The following ZMAT4 variants were observed in gnomAD, a reference collection of about 807,000 sequenced individuals.
ZMAT4 encodes zinc finger matrin-type 4.
ZMAT4 carries 17 observed loss-of-function variants against 28.7 expected under a neutral mutation model. The observed-to-expected ratio is 0.59, with a 90% confidence interval of 0.41 to 0.89. The LOEUF is 0.89. Ranked by LOEUF, ZMAT4 falls within the 40% of genes least tolerant of loss-of-function variation. The probability of loss-of-function intolerance (pLI) is 0.00; values close to 1 mark genes in which losing one functional copy is unlikely to be tolerated. For synonymous variants in ZMAT4, 117 were observed against 109.2 expected, an observed-to-expected ratio of 1.07 and a Z score of -0.44; for missense variants, 240 against 283.8, an observed-to-expected ratio of 0.85 and a Z score of 1.11.
intron 5 of ZMAT4, among the ~76,000 whole-genome samples, chr8:40,636,014 G>A (rs1806778741): frequency 6.6e-6 from 1 of 152,210 alleles, no homozygotes; most frequent in Non-Finnish European, 1.5e-5. Context: ...AGAGACGTTT[G>A]AGTAAGTTTC....
At chr8:40,818,046 C>T (rs1366605061) in intron 2 of ZMAT4, among the ~76,000 whole-genome samples, 1 of 152,150 alleles carries the variant, frequency 6.6e-6, no homozygotes, top group African/African-American at 2.4e-5. Flanking sequence ...CAGAGCATAC[C>T]CTACCCGTGT....
intron 2 of ZMAT4, among the ~76,000 whole-genome samples, chr8:40,797,188 C>T (rs950202541): frequency 4.6e-5 from 7 of 152,164 alleles, no homozygotes; most frequent in Non-Finnish European, 7.3e-5. Context: ...TCTGTGAATC[C>T]GGGCCTGTCC....
intron 5 of ZMAT4, among the ~76,000 whole-genome samples, chr8:40,598,712 T>G (rs1178204247): frequency 6.6e-6 from 1 of 152,164 alleles, no homozygotes; most frequent in Non-Finnish European, 1.5e-5. Context: ...TATAATGAAT[T>G]TATTTTGGAA....
At chr8:40,852,536 G>T (rs75631857) in intron 1 of ZMAT4, among the ~76,000 whole-genome samples, 3,100 of 152,282 alleles carry the variant, frequency 0.02, 108 homozygotes, top group African/African-American at 0.071. Context: ...GTTGGAAAAG[G>T]GAAGCTTTAA....
intron 3 of ZMAT4, among the ~76,000 whole-genome samples, chr8:40,709,216 A>G (rs1810497653): frequency 6.6e-6 from 1 of 152,080 alleles, no homozygotes; most frequent in East Asian, 1.9e-4. Flanking sequence ...TGTATCTTTT[A>G]TTTGTATTAT....
At chr8:40,883,711 C>T (rs914399714) in intron 1 of ZMAT4, among the ~76,000 whole-genome samples, 1 of 152,180 alleles carries the variant, frequency 6.6e-6, no homozygotes, top group Non-Finnish European at 1.5e-5. Context: ...GCCCTGATCT[C>T]CCCTAACTCC....
chr8:40,652,929 G>A lies in ZMAT4; in HGVS notation c.577+21775C>T, dbSNP rs563811906. On this transcript the variant is annotated intron_variant, in intron 5 of 6. Coordinates refer to ENST00000297737, the MANE Select transcript of ZMAT4 (RefSeq NM_024645.3). ...AGGGGAATATCACACTCTGGGGACC[G>A]TTGTGGGGTGGGGGGAGGGGTGAGG... is the stretch of plus-strand genomic sequence containing the variant. Among the ~76,000 whole-genome samples the A allele has an allele frequency of 3.3e-4, 44 of 131,972 alleles. No homozygotes were observed. The East Asian group carries it at 8.6e-3, about 26-fold the overall frequency. 86.6% of individuals were successfully genotyped at this position (131,972 alleles called of 152,430 possible). A position where few individuals can be genotyped will look rare whatever the true frequency, so the allele number is the denominator to read the frequency against.
intron 6 of ZMAT4, among the ~76,000 whole-genome samples, chr8:40,542,281 T>C (rs572515769): frequency 1.1e-4 from 17 of 152,302 alleles, no homozygotes; most frequent in East Asian, 9.6e-4. Flanking sequence ...GCTGTACTCA[T>C]GTGTGGGCCA....
At chr8:40,541,858 C>G (rs987662730) in intron 6 of ZMAT4, among the ~76,000 whole-genome samples, 6 of 152,218 alleles carry the variant, frequency 3.9e-5, no homozygotes, top group African/African-American at 1.4e-4. Flanking sequence ...TCCCCTTTAG[C>G]TCATGAGCAC....
At chr8:40,767,575 C>T in intron 3 of ZMAT4, 66 bp downstream of exon 3, 3 of 1,379,288 alleles carry the variant, frequency 2.2e-6, no homozygotes, top group Non-Finnish European at 3.0e-6. Context: ...ACAATTCCTA[C>T]ACCTGCAAAG....
chr8:40,796,999 C>T (rs1226196657), intron 2 of ZMAT4, among the ~76,000 whole-genome samples: 1 of 152,188 alleles, frequency 6.6e-6, no homozygotes, highest in Admixed American at 6.5e-5. Context: ...GGCAGGGAAT[C>T]GCCCCTGGTT....
chr8:40,631,836 C>T (rs1806594277), intron 5 of ZMAT4, among the ~76,000 whole-genome samples: 1 of 152,162 alleles, frequency 6.6e-6, no homozygotes, highest in East Asian at 1.9e-4. Context: ...TGTCTGAACA[C>T]AAGACTAAGC....
At chr8:40,788,541 C>T (rs750473555) in intron 2 of ZMAT4, among the ~76,000 whole-genome samples, 2 of 152,098 alleles carry the variant, frequency 1.3e-5, no homozygotes, top group Non-Finnish European at 1.5e-5. Context: ...GCTGAGATTG[C>T]ACCACTGCAC....
intron 5 of ZMAT4, among the ~76,000 whole-genome samples, chr8:40,592,328 C>T (rs1804922257): frequency 6.6e-6 from 1 of 152,180 alleles, no homozygotes; most frequent in East Asian, 1.9e-4. Context: ...TCACCAATAT[C>T]AGGGTTTGAC....
intron 2 of ZMAT4, among the ~76,000 whole-genome samples, chr8:40,798,372 T>A (rs1031895825): frequency 6.6e-6 from 1 of 152,224 alleles, no homozygotes; most frequent in Non-Finnish European, 1.5e-5. Context: ...AAGGTCCCAA[T>A]GCCAGGCTCT....
At chr8:40,609,589 A>C (rs2118649916) in intron 5 of ZMAT4, among the ~76,000 whole-genome samples, 1 of 152,344 alleles carries the variant, frequency 6.6e-6, no homozygotes, top group Non-Finnish European at 1.5e-5. Flanking sequence ...ATATTGGCCA[A>C]GCTGTCTTAC....
intron 5 of ZMAT4, among the ~76,000 whole-genome samples, chr8:40,590,686 T>G (rs1804862451): frequency 6.6e-6 from 1 of 150,610 alleles, no homozygotes. Flanking sequence ...ATTACTTCTA[T>G]CAATACTTTT....
intron 5 of ZMAT4, among the ~76,000 whole-genome samples, chr8:40,615,121 G>T (rs1179758698): frequency 2.6e-5 from 4 of 152,042 alleles, no homozygotes; most frequent in African/African-American, 9.7e-5. Flanking sequence ...GGCAGGCCTG[G>T]TGGTGACAAA....
chr8:40,849,703 T>C (rs1186150578), intron 1 of ZMAT4, among the ~76,000 whole-genome samples: 2 of 152,192 alleles, frequency 1.3e-5, no homozygotes, highest in African/African-American at 4.8e-5. Context: ...GGGATCAACA[T>C]GATCTTTTAT....
Sources: allele counts gnomAD v4.1 joint callset (sites outside exome capture counted in the v4.1 genomes callset), GRCh38; gene constraint gnomAD v4.1.1; transcripts MANE v1.5; gene names NCBI Gene and HGNC (gene_info 2026-07-23, HGNC 2026-07-21).